Variants in PCDH9 observed in about 807,000 individuals in gnomAD.
The protein encoded by PCDH9 is protocadherin 9, also known as protocadherin-9.
A neutral mutation model predicts 70.6 loss-of-function variants in PCDH9; 24 were observed. The ratio of observed to expected loss-of-function variants is 0.34; its 90% CI spans 0.25 to 0.48. The LOEUF is 0.48. Among genes scored for constraint, PCDH9 ranks in the 20% least tolerant of loss-of-function variants. The pLI is 0.99. For missense variants in PCDH9, 1,281 were observed against 1,503.6 expected (o/e 0.85, Z 2.45); for synonymous variants, 562 against 558.5 (o/e 1.01, Z -0.09).
intron 3 of PCDH9, among the ~76,000 whole-genome samples, chr13:66,682,305 C>T (rs999294283): frequency 7.2e-5 from 11 of 151,978 alleles, no homozygotes; most frequent in Non-Finnish European, 1.5e-4. Flanking sequence ...GCAATATTAC[C>T]TCCTTTATGA....
chr13:66,830,718 T>C (rs866569330), intron 3 of PCDH9, among the ~76,000 whole-genome samples: 25 of 152,308 alleles, frequency 1.6e-4, no homozygotes, highest in African/African-American at 6.0e-4. Flanking sequence ...CCAACAAATA[T>C]GTAAGTCAAC....
chr13:66,720,324 TTG>T (rs1491288137), intron 3 of PCDH9, among the ~76,000 whole-genome samples: 11 of 36,934 alleles, frequency 3.0e-4, no homozygotes, highest in South Asian at 1.6e-3. Flanking sequence ...TTTTGCTTTT[TTG>T]TTTTTTTTTT....
chr13:66,481,176 G>A (rs1462182473), intron 4 of PCDH9, among the ~76,000 whole-genome samples: 2 of 151,834 alleles, frequency 1.3e-5, no homozygotes, highest in African/African-American at 4.8e-5. Flanking sequence ...TTAGGGGAGG[G>A]ATAACATTAG....
chr13:66,525,297 C>T (rs750169887), intron 4 of PCDH9, among the ~76,000 whole-genome samples: 3 of 152,184 alleles, frequency 2.0e-5, no homozygotes, highest in South Asian at 4.2e-4. Flanking sequence ...CACCTCTTTA[C>T]AGTCCTCCAG....
At chr13:67,188,505 TATTTTACTAATAGAA>T (rs1463379315) in intron 2 of PCDH9, among the ~76,000 whole-genome samples, 4 of 152,152 alleles carry the variant, frequency 2.6e-5, no homozygotes, top group African/African-American at 9.6e-5. Flanking sequence ...ACACTAATTC[TATTTTACTAATAGAA>T]ATTTTCTGTT....
chr13:66,682,461 C>T (rs563127723), intron 3 of PCDH9, among the ~76,000 whole-genome samples: 1 of 151,686 alleles, frequency 6.6e-6, no homozygotes, highest in Non-Finnish European at 1.5e-5. Context: ...TAATTGAGTA[C>T]TCTTTTATGT....
At chr13:66,904,379 TCTTA>T (rs1260730359) in intron 2 of PCDH9, among the ~76,000 whole-genome samples, 1 of 152,014 alleles carries the variant, frequency 6.6e-6, no homozygotes, top group Non-Finnish European at 1.5e-5. Flanking sequence ...CTTCCTGTTT[TCTTA>T]CTTCTTTTCT....
chr13:66,696,346 C>G (rs918779812), intron 3 of PCDH9, among the ~76,000 whole-genome samples: 1 of 152,180 alleles, frequency 6.6e-6, no homozygotes, highest in African/African-American at 2.4e-5. Flanking sequence ...ATTATTCAAT[C>G]TTTGTTATAA....
At chr13:67,156,469 C>T (rs4884717) in intron 2 of PCDH9, among the ~76,000 whole-genome samples, 84,123 of 151,536 alleles carry the variant, frequency 0.56, 23,776 homozygotes, top group East Asian at 0.66. Flanking sequence ...GGCACTGTCC[C>T]GGTGGGAGTG....
chr13:67,192,688 G>A (rs1269984080), intron 2 of PCDH9, among the ~76,000 whole-genome samples: 1 of 152,098 alleles, frequency 6.6e-6, no homozygotes, highest in Non-Finnish European at 1.5e-5. Context: ...AACTCAGAAA[G>A]GTGGAAATCA....
intron 2 of PCDH9, among the ~76,000 whole-genome samples, chr13:67,076,731 G>A (rs1387178087): frequency 1.3e-5 from 2 of 152,004 alleles, no homozygotes; most frequent in Non-Finnish European, 2.9e-5. Context: ...TTTGTGAAAC[G>A]AGCTATTTTT....
At chr13:66,427,180 T>A (rs762327534) in intron 4 of PCDH9, among the ~76,000 whole-genome samples, 1 of 151,610 alleles carries the variant, frequency 6.6e-6, no homozygotes, top group Non-Finnish European at 1.5e-5. Context: ...TTAATGTAGA[T>A]CATGAACCTG....
At chr13:66,611,901 C>A (rs1651297204) in intron 4 of PCDH9, among the ~76,000 whole-genome samples, 1 of 152,142 alleles carries the variant, frequency 6.6e-6, no homozygotes, top group Admixed American at 6.5e-5. Flanking sequence ...GAGTTACCTG[C>A]CTAAGGTTAT....
At chr13:67,173,524 G>T (rs554507886) in intron 2 of PCDH9, among the ~76,000 whole-genome samples, 3 of 152,082 alleles carry the variant, frequency 2.0e-5, no homozygotes, top group Admixed American at 1.3e-4. Flanking sequence ...CTCACTGCAG[G>T]AGTTTCACAA....
chr13:66,576,140 C>T (rs944024128), intron 4 of PCDH9, among the ~76,000 whole-genome samples: 2 of 150,562 alleles, frequency 1.3e-5, no homozygotes, highest in African/African-American at 4.9e-5. Context: ...TTATAATCAA[C>T]ATGAGGTTAG....
intron 4 of PCDH9, among the ~76,000 whole-genome samples, chr13:66,377,655 A>AT (rs1956773447): frequency 6.6e-6 from 1 of 152,158 alleles, no homozygotes; most frequent in South Asian, 2.1e-4. Context: ...CCAGAAAAAT[A>AT]TTTTTCTTCT....
At chr13:66,378,923 A>G (rs1487180180) in intron 4 of PCDH9, among the ~76,000 whole-genome samples, 1 of 152,222 alleles carries the variant, frequency 6.6e-6, no homozygotes, top group Admixed American at 6.5e-5. Flanking sequence ...GAAAGATGAC[A>G]CAGTTCACCA....
chr13:66,372,926 A>G (rs1956683377), intron 4 of PCDH9, among the ~76,000 whole-genome samples: 1 of 151,930 alleles, frequency 6.6e-6, no homozygotes, highest in Non-Finnish European at 1.5e-5. Flanking sequence ...TTCTTCAAGA[A>G]ACAAAAAACT....
chr13:67,192,218 A>G (rs1190341694), intron 2 of PCDH9, among the ~76,000 whole-genome samples: 1 of 152,130 alleles, frequency 6.6e-6, no homozygotes, highest in Non-Finnish European at 1.5e-5. Flanking sequence ...CTTTGACATT[A>G]ATTTTGTCAG....
Sources: gnomAD v4.1 joint callset for allele counts (sites outside exome capture counted in the v4.1 genomes callset) on GRCh38, gnomAD v4.1.1 for gene constraint, MANE v1.5 for transcripts, NCBI Gene and HGNC (gene_info 2026-07-23, HGNC 2026-07-21) for gene names.